Variants in GPHN observed in about 807,000 individuals in gnomAD.
GPHN encodes the protein gephyrin.
GPHN carries 17 observed loss-of-function variants against 95.5 expected under a neutral mutation model. That is an observed-to-expected ratio of 0.18 (90% confidence interval 0.12 to 0.27). The LOEUF is 0.27. GPHN is among the 10% of genes least tolerant of loss of function. GPHN has a pLI of 1.00. For missense variants in GPHN, 660 were observed against 978.1 expected, an observed-to-expected ratio of 0.67 and a Z score of 4.34; for synonymous variants, 320 against 322.5, an observed-to-expected ratio of 0.99 and a Z score of 0.08.
rs79550179 is a variant in GPHN at position 66,683,371 on chromosome 14, T to C, written c.143+2186T>C. Among the ~76,000 whole-genome samples, 31 of 32,848 alleles carry C rather than the reference T, an allele frequency of 9.4e-4. 1 individual carries two copies. Among genetic ancestry groups the C allele is most frequent in the African/African-American group, 5.2e-3 (21 of 4,056 alleles). The allele number at this position is 32,848 out of a possible 152,430, so 21.5% of individuals were successfully genotyped here. Reference sequence around the variant, plus strand: ...ATATATATATATATATATATATATATATATATATGTTCATATATATATGTT... The same window carrying C: ...ATATATATATATATATATATATATACATATATATGTTCATATATATATGTT... On this transcript the variant is annotated intron_variant, in intron 2 of 22. Coordinates refer to ENST00000478722, the MANE Select transcript of GPHN (RefSeq NM_020806.5).
chr14:67,064,986 GT>G (rs1376741826), intron 11 of GPHN, among the ~76,000 whole-genome samples: 1 of 151,300 alleles, frequency 6.6e-6, no homozygotes, highest in African/African-American at 2.4e-5. Context: ...TTTTGAATGT[GT>G]TTGCTCTTGC....
At chr14:66,605,828 G>C (rs2062505641) in intron 1 of GPHN, among the ~76,000 whole-genome samples, 1 of 151,854 alleles carries the variant, frequency 6.6e-6, no homozygotes, top group Non-Finnish European at 1.5e-5. Context: ...CACCGCACCT[G>C]GCCCCATTTT....
the GPHN span, chr14:67,340,646 T>A: frequency 1.3e-6 from 1 of 781,332 alleles, no homozygotes; most frequent in Non-Finnish European, 2.1e-6. Context: ...GCAGAGAACT[T>A]GGAAAATAAA....
At chr14:66,797,662 T>G (rs571125489) in intron 3 of GPHN, among the ~76,000 whole-genome samples, 8 of 152,114 alleles carry the variant, frequency 5.3e-5, no homozygotes, top group Admixed American at 5.2e-4. Flanking sequence ...GCTACTGATT[T>G]TTGTATGTTG....
At chr14:67,637,346 G>A in the GPHN span, among the ~76,000 whole-genome samples, 2 of 146,178 alleles carry the variant, frequency 1.4e-5, no homozygotes, top group African/African-American at 5.0e-5. Context: ...GGGAGGTGGA[G>A]GTTGCAGTGA....
chr14:67,559,154 C>G, the GPHN span, among the ~76,000 whole-genome samples: 1 of 152,196 alleles, frequency 6.6e-6, no homozygotes, highest in African/African-American at 2.4e-5. Context: ...CCTCTTTTGA[C>G]TACTTTGATG....
At chr14:67,685,828 C>A in the GPHN span, among the ~76,000 whole-genome samples, 2,385 of 152,166 alleles carry the variant, frequency 0.016, 74 homozygotes, top group African/African-American at 0.054. Flanking sequence ...GTTGGCCAGA[C>A]TGGTCTTGAA....
At chr14:67,460,895 G>T in the GPHN span, among the ~76,000 whole-genome samples, 171 of 152,208 alleles carry the variant, frequency 1.1e-3, 1 homozygote, top group Admixed American at 2.8e-3. Context: ...AAGGGATCAC[G>T]GTCCTGTATA....
At chr14:66,759,687 T>C (rs1290874141) in intron 2 of GPHN, among the ~76,000 whole-genome samples, 2 of 152,190 alleles carry the variant, frequency 1.3e-5, no homozygotes, top group African/African-American at 4.8e-5. Context: ...CTTGCAACTC[T>C]GTTACTTTTA....
intron 2 of GPHN, among the ~76,000 whole-genome samples, chr14:66,753,145 G>GT (rs1410586673): frequency 6.6e-6 from 1 of 152,054 alleles, no homozygotes; most frequent in East Asian, 1.9e-4. Flanking sequence ...ACTGTTGGGG[G>GT]TGGAGTGGAC....
the GPHN span, among the ~76,000 whole-genome samples, chr14:67,512,236 A>T: frequency 1.3e-5 from 2 of 152,216 alleles, no homozygotes; most frequent in Non-Finnish European, 2.9e-5. Flanking sequence ...AGGGGAACCA[A>T]ACCAAAAGTG....
the GPHN span, among the ~76,000 whole-genome samples, chr14:67,310,424 G>A: frequency 6.6e-6 from 1 of 152,122 alleles, no homozygotes. Flanking sequence ...AGTGTTTCTA[G>A]AAATCAGGAT....
At chr14:67,430,936 G>A in the GPHN span, among the ~76,000 whole-genome samples, 2 of 152,116 alleles carry the variant, frequency 1.3e-5, no homozygotes, top group Admixed American at 6.5e-5. Context: ...TCCCAAATAC[G>A]CCTTTGTGTT....
At chr14:67,107,066 G>C (rs1055595784) in intron 13 of GPHN, among the ~76,000 whole-genome samples, 1 of 151,976 alleles carries the variant, frequency 6.6e-6, no homozygotes, top group Non-Finnish European at 1.5e-5. Flanking sequence ...AGCTTTTTCA[G>C]TTGCATTCAA....
chr14:67,582,749 A>C, the GPHN span, among the ~76,000 whole-genome samples: 43 of 152,324 alleles, frequency 2.8e-4, no homozygotes, highest in Middle Eastern at 3.4e-3. This position sits in a 1 kb window ranked among gnomAD's most constrained non-coding sequence, Gnocchi z 5.0. Flanking sequence ...AGGCAGGAGA[A>C]TCACTTGTAC....
At chr14:66,554,517 G>A (rs982571282) in intron 1 of GPHN, among the ~76,000 whole-genome samples, 3 of 152,194 alleles carry the variant, frequency 2.0e-5, no homozygotes, top group African/African-American at 7.2e-5. Flanking sequence ...GGTGGCAGGA[G>A]AGAGTGGAAT....
At chr14:66,545,700 T>C (rs1325637930) in intron 1 of GPHN, among the ~76,000 whole-genome samples, 17 of 108,600 alleles carry the variant, frequency 1.6e-4, no homozygotes, top group Admixed American at 2.8e-4. Context: ...GAGGCGCCCC[T>C]CACCTCCCGG....
the GPHN span, among the ~76,000 whole-genome samples, chr14:67,685,485 T>C: frequency 1.3e-5 from 2 of 152,170 alleles, no homozygotes; most frequent in South Asian, 2.1e-4. Flanking sequence ...CTTAACATCG[T>C]TGACCACCCC....
chr14:67,557,337 C>T, the GPHN span: 2 of 1,613,794 alleles, frequency 1.2e-6, no homozygotes, highest in South Asian at 1.1e-5. Context: ...GGAGCCTGCA[C>T]CGGAAATACC....
Sources: gnomAD v4.1 joint callset for allele counts (sites outside exome capture counted in the v4.1 genomes callset) on GRCh38, gnomAD v4.1.1 for gene constraint, Gnocchi (gnomAD v3.1) non-coding constraint, MANE v1.5 for transcripts, NCBI Gene and HGNC (gene_info 2026-07-23, HGNC 2026-07-21) for gene names.